Variants in GRIN2B observed in about 807,000 individuals in gnomAD.
GRIN2B encodes glutamate receptor ionotropic, NMDA 2B.
GRIN2B carries 5 observed loss-of-function variants against 114.5 expected under a neutral mutation model. The ratio of observed to expected loss-of-function variants is 0.04; its 90% CI spans 0.02 to 0.09. The LOEUF (loss-of-function observed/expected upper bound fraction) is 0.09, where lower values mean the gene tolerates loss of function less well. Among genes scored for constraint, GRIN2B ranks in the 10% least tolerant of loss-of-function variants. The pLI is 1.00. For synonymous variants in GRIN2B, 787 were observed against 745.1 expected (o/e 1.06, Z -0.92); for missense variants, 1,108 against 1,943.5 (o/e 0.57, Z 8.08).
Position 13,547,981 on chromosome 12 carries a change from A to ATTTTTTTTTTTTTTTTTTTT in GRIN2B, c.*14801_*14802insAAAAAAAAAAAAAAAAAAAA, listed in dbSNP as rs57206826. 5.8e-5 allele frequency: 4 copies of ATTTTTTTTTTTTTTTTTTTT among 68,578 alleles called. No individual in the cohort carries two copies. The highest frequency in any genetic ancestry group is 1.2e-4 in the Non-Finnish European group (4 of 34,410). 4.2% of individuals were successfully genotyped at this position (68,578 alleles called of 1,614,324 possible). ...TGTGTATATATATATATATATATAT[A>ATTTTTTTTTTTTTTTTTTTT]TTTTTTTTTTTTTTCTGAAAGCTAC... On this transcript the variant is annotated 3_prime_UTR_variant, in exon 14 of 14. Coordinates refer to ENST00000609686, the MANE Select transcript of GRIN2B (RefSeq NM_000834.5).
rs573326793 is a variant in GRIN2B at position 13,560,809 on chromosome 12, G to C, written c.*1974C>G. ...ATACTGAGGTAAAAATCAAGGAGGA[G>C]GGTTGGGGACAGCAGTCAAGGGCGG... On this transcript the variant is annotated 3_prime_UTR_variant, in exon 14 of 14. Coordinates refer to ENST00000609686, the MANE Select transcript of GRIN2B (RefSeq NM_000834.5). 4.6e-5 allele frequency: 7 copies of C among 152,448 alleles called. No homozygotes were observed. In the South Asian group the frequency reaches 1.4e-3, roughly 32 times the overall value. 9.4% of individuals were successfully genotyped at this position (152,448 alleles called of 1,614,324 possible).
intron 3 of GRIN2B, among the ~76,000 whole-genome samples, chr12:13,802,376 G>C (rs1406536259): frequency 6.6e-6 from 1 of 152,076 alleles, no homozygotes; most frequent in Admixed American, 6.5e-5. Context: ...ACACATACTA[G>C]TTTAAAATTA....
At chr12:13,889,545 A>G (rs1032548237) in intron 2 of GRIN2B, among the ~76,000 whole-genome samples, 2 of 152,214 alleles carry the variant, frequency 1.3e-5, no homozygotes, top group Non-Finnish European at 2.9e-5. Flanking sequence ...TGCATGTATT[A>G]AATACCCATT....
intron 2 of GRIN2B, among the ~76,000 whole-genome samples, chr12:13,979,560 C>T (rs1168563841): frequency 6.6e-6 from 1 of 151,238 alleles, no homozygotes. Flanking sequence ...TTCTAGATTC[C>T]CATAAAAATC....
chr12:13,792,033 C>T (rs1864330690), intron 3 of GRIN2B, among the ~76,000 whole-genome samples: 1 of 152,194 alleles, frequency 6.6e-6, no homozygotes, highest in Admixed American at 6.5e-5. Flanking sequence ...TTTTAGCTCC[C>T]ATAGATGGAT....
chr12:13,769,458 C>G (rs1591720801), intron 3 of GRIN2B, among the ~76,000 whole-genome samples: 2 of 152,150 alleles, frequency 1.3e-5, no homozygotes, highest in East Asian at 3.8e-4. Context: ...AGTTCCCAGG[C>G]ACGTCTCTGG....
chr12:13,557,994 T>C lies in GRIN2B; in HGVS notation c.*4789A>G, dbSNP rs1948495062. 6.6e-6 allele frequency: 1 copy of C among 152,298 alleles called. No homozygotes were observed. Among genetic ancestry groups the C allele is most frequent in the South Asian group, 2.1e-4 (1 of 4,816 alleles). The allele number at this position is 152,298 out of a possible 1,614,324, so 9.4% of individuals were successfully genotyped here. On this transcript the variant is annotated 3_prime_UTR_variant, in exon 14 of 14. Coordinates refer to ENST00000609686, the MANE Select transcript of GRIN2B (RefSeq NM_000834.5). ...AGTGGGGTGGGAAATGAAAAAGACC[T>C]TTTCAGGACCTTCAACACACCATGG...
At position 13,620,866 on chromosome 12, in the gene GRIN2B, A is replaced by AT. The variant is rs55658314; in HGVS notation, c.1126-4210dup. 7.0e-3 allele frequency among the ~76,000 whole-genome samples: 1,016 copies of AT among 145,146 alleles called. 5 individuals carry two copies. The highest frequency in any genetic ancestry group is 0.021 in the Middle Eastern group (6 of 282). ...AATACGAGCTTGCCTTAAAGTCGTT[A>AT]TTTTTTTTTTTCGTTTCTTCAAGGA... is the stretch of plus-strand genomic sequence containing the variant. On this transcript the variant is annotated intron_variant, in intron 5 of 13. Transcript: ENST00000609686.
chr12:13,760,249 C>T (rs536039661), intron 3 of GRIN2B, among the ~76,000 whole-genome samples: 10 of 152,270 alleles, frequency 6.6e-5, no homozygotes, highest in South Asian at 6.2e-4. Context: ...GGGCAGGGAT[C>T]GGCATGTGTT....
rs189653646 is a variant in GRIN2B at position 13,881,141 on chromosome 12, C to T, written c.-18-14915G>A. 2.6e-5 allele frequency among the ~76,000 whole-genome samples: 4 copies of T among 152,306 alleles called. No homozygotes were observed. The East Asian group carries it at 7.7e-4, about 29-fold the overall frequency. On this transcript the variant is annotated intron_variant, in intron 2 of 13. Transcript: ENST00000609686. ...CCATCCTCTTTGTTCTATTCCTCAC[C>T]TTGTGTCTTAAATCTGTCTTCTCTA...
chr12:13,547,739 A>G lies in GRIN2B; in HGVS notation c.*15044T>C, dbSNP rs2136384664. 6.6e-6 allele frequency: 1 copy of G among 152,094 alleles called. No homozygotes were observed. The highest frequency in any genetic ancestry group is 1.9e-4 in the East Asian group (1 of 5,158). The allele number at this position is 152,094 out of a possible 1,614,324, so 9.4% of individuals were successfully genotyped here. ...TATGGCTTGTTTTACTGAAGTAAAG[A>G]CACTGTAAATCTCAAAAATACTCCA... On this transcript the variant is annotated 3_prime_UTR_variant, in exon 14 of 14. Transcript: ENST00000609686.
At chr12:13,851,066 C>T (rs1310784204) in intron 3 of GRIN2B, among the ~76,000 whole-genome samples, 2 of 152,128 alleles carry the variant, frequency 1.3e-5, no homozygotes, top group African/African-American at 2.4e-5. Context: ...CTGACCTCTT[C>T]TGAAACTCCA....
chr12:13,567,121 G>A lies in GRIN2B; in HGVS notation c.2502C>T (p.Ile834=), dbSNP rs1348201823. 3 of 1,614,036 alleles carry A rather than the reference G, an allele frequency of 1.9e-6. No homozygotes were observed. The highest frequency in any genetic ancestry group is 1.3e-5 in the African/African-American group (1 of 74,940). Residue 834 remains isoleucine, a synonymous_variant, in exon 13 of 14, where the codon ATC becomes ATT. Coordinates refer to ENST00000609686, the MANE Select transcript of GRIN2B (RefSeq NM_000834.5). ...AGAAAAGGTGTTCGCAGATGAAGGT[G>A]ATGAGGCTGAGAGCCATGGCCGCCC... is the stretch of plus-strand genomic sequence containing the variant. The part of the protein sequence containing the change: ...MLGAAMALSL[I]TFICEHLFYW...
intron 3 of GRIN2B, among the ~76,000 whole-genome samples, chr12:13,778,182 A>G (rs937028140): frequency 2.6e-5 from 4 of 152,110 alleles, no homozygotes; most frequent in Admixed American, 2.6e-4. Context: ...AAGATTAAAT[A>G]TATGGTTTTC....
chr12:13,762,152 C>T (rs539732967), intron 3 of GRIN2B, among the ~76,000 whole-genome samples: 55 of 152,186 alleles, frequency 3.6e-4, no homozygotes, highest in African/African-American at 1.1e-3. Context: ...TACAGGCGCC[C>T]GCCACCACGA....
At chr12:13,702,605 G>A (rs1456225217) in intron 4 of GRIN2B, among the ~76,000 whole-genome samples, 1 of 152,120 alleles carries the variant, frequency 6.6e-6, no homozygotes, top group Non-Finnish European at 1.5e-5. Context: ...CCTCCGGGGG[G>A]TCCATACACA....
At chr12:13,979,300 G>A (rs1591651322) in intron 2 of GRIN2B, among the ~76,000 whole-genome samples, 1 of 151,876 alleles carries the variant, frequency 6.6e-6, no homozygotes, top group African/African-American at 2.4e-5. Context: ...CAGGTGTTCT[G>A]AGACCAGCCC....
intron 2 of GRIN2B, among the ~76,000 whole-genome samples, chr12:13,927,389 A>ATAGTAAATATTTTACAC (rs1866936718): frequency 6.6e-6 from 1 of 152,152 alleles, no homozygotes; most frequent in Non-Finnish European, 1.5e-5. Flanking sequence ...AAAGTGACAG[A>ATAGTAAATATTTTACAC]TAGTAAATAT....
At position 13,702,331 on chromosome 12, in the gene GRIN2B, C is replaced by T. The variant is rs570633821; in HGVS notation, c.1011-26472G>A. Among the ~76,000 whole-genome samples, 5 of 152,284 alleles carry T rather than the reference C, an allele frequency of 3.3e-5. No homozygotes were observed. In the South Asian group the frequency reaches 1.0e-3, roughly 32 times the overall value. On this transcript the variant is annotated intron_variant, in intron 4 of 13. Transcript: ENST00000609686. ...AATTTTTATTTGATAACTTTATGTG[C>T]TACCTAGATCCAAGGAGGACTTCAT...
Sources: allele counts gnomAD v4.1 joint callset (sites outside exome capture counted in the v4.1 genomes callset), GRCh38; gene constraint gnomAD v4.1.1; transcripts MANE v1.5; gene names NCBI Gene and HGNC (gene_info 2026-07-23, HGNC 2026-07-21).